Variants in ADAM12 observed in about 807,000 individuals in gnomAD.
ADAM12 encodes disintegrin and metalloproteinase domain-containing protein 12.
ADAM12 carries 70 observed loss-of-function variants against 106.4 expected under a neutral mutation model. The ratio of observed to expected loss-of-function variants is 0.66; its 90% CI spans 0.54 to 0.80. The LOEUF (loss-of-function observed/expected upper bound fraction) is 0.80, where lower values mean the gene tolerates loss of function less well. ADAM12 is among the 30% of genes least tolerant of loss of function. ADAM12 has a pLI of 0.00. For missense variants in ADAM12, 1,010 were observed against 1,171.9 expected (o/e 0.86, Z 2.02); for synonymous variants, 420 against 433.5 (o/e 0.97, Z 0.39).
intron 3 of ADAM12, among the ~76,000 whole-genome samples, chr10:126,269,672 T>C (rs925253261): frequency 6.6e-6 from 1 of 151,900 alleles, no homozygotes; most frequent in East Asian, 1.9e-4. Context: ...GGATACAGAG[T>C]TGGGGAAAGG....
Position 126,015,496 on chromosome 10 carries a change from TTAA to T in ADAM12, c.*1780_*1782del, listed in dbSNP as rs1023185269. Reference sequence around the variant, plus strand: ...AGCATGGCTTTACATTTTAAAGAACTTAATAACTATAGAATAAACAGATGCATG... The same window carrying T: ...AGCATGGCTTTACATTTTAAAGAACTTAACTATAGAATAAACAGATGCATG... On this transcript the variant is annotated 3_prime_UTR_variant, in exon 23 of 23. Coordinates refer to ENST00000448723, the MANE Select transcript of ADAM12 (RefSeq NM_001288973.2). 6.6e-6 allele frequency: 1 copy of T among 152,222 alleles called. No individual in the cohort carries two copies. The highest frequency in any genetic ancestry group is 1.5e-5 in the Non-Finnish European group (1 of 68,032). The allele number at this position is 152,222 out of a possible 1,614,324, so 9.4% of individuals were successfully genotyped here.
At chr10:126,293,513 T>TC (rs1960242715) in intron 2 of ADAM12, among the ~76,000 whole-genome samples, 1 of 152,158 alleles carries the variant, frequency 6.6e-6, no homozygotes, top group East Asian at 1.9e-4. Context: ...GCACCCCATT[T>TC]ATTTTTATTT....
Position 126,017,294 on chromosome 10 carries a change from G to A in ADAM12, c.2706C>T (p.Thr902=), listed in dbSNP as rs77922954. ...YPHQVPRSTH[T]AYIK ...TGTCGGCTTCTCACTTAATATAGGC[G>A]GTGTGGGTGGATCTGGGCACTTGGT... The change falls in exon 23 of 23, where the codon ACC becomes ACT. Residue 902 remains threonine (T), a synonymous_variant. Transcript: ENST00000448723. 3.0e-4 allele frequency: 479 copies of A among 1,594,416 alleles called. 3 individuals carry two copies. The East Asian group carries it at 7.9e-3, about 26-fold the overall frequency.
chr10:126,082,653 G>A (rs1032546063), intron 11 of ADAM12, among the ~76,000 whole-genome samples: 3 of 152,100 alleles, frequency 2.0e-5, no homozygotes, highest in South Asian at 2.1e-4. Flanking sequence ...TTACAGGCGT[G>A]AGCCACCATG....
intron 2 of ADAM12, among the ~76,000 whole-genome samples, chr10:126,280,379 C>T (rs2133757165): frequency 6.6e-6 from 1 of 152,202 alleles, no homozygotes; most frequent in African/African-American, 2.4e-5. Context: ...TAGCCATTAG[C>T]CGCATATGGC....
intron 3 of ADAM12, among the ~76,000 whole-genome samples, chr10:126,176,754 T>C (rs933564962): frequency 6.6e-6 from 1 of 152,140 alleles, no homozygotes; most frequent in Admixed American, 6.5e-5. Context: ...CTGAACAAAA[T>C]CTCTCATTGT....
intron 2 of ADAM12, among the ~76,000 whole-genome samples, chr10:126,310,706 G>C (rs996219471): frequency 6.6e-6 from 1 of 152,128 alleles, no homozygotes; most frequent in Non-Finnish European, 1.5e-5. Context: ...TTTAATTATG[G>C]ATCACTGGGT....
intron 8 of ADAM12, among the ~76,000 whole-genome samples, chr10:126,107,094 C>T (rs552941497): frequency 7.2e-5 from 11 of 152,256 alleles, no homozygotes; most frequent in Admixed American, 1.3e-4. Context: ...GGCACACACA[C>T]GTATGAACAC....
chr10:126,094,447 A>C (rs780666979), intron 10 of ADAM12, among the ~76,000 whole-genome samples: 13 of 152,150 alleles, frequency 8.5e-5, no homozygotes, highest in Admixed American at 3.3e-4. Context: ...TGCCCCACAA[A>C]ACTCTTCCAT....
chr10:126,381,471 T>G (rs114472070), intron 1 of ADAM12, among the ~76,000 whole-genome samples: 2,966 of 152,176 alleles, frequency 0.019, 89 homozygotes, highest in African/African-American at 0.068. Context: ...AGATTCTGTC[T>G]GTATAAAAAT....
chr10:126,072,079 G>A (rs1246408927), intron 11 of ADAM12, among the ~76,000 whole-genome samples: 1 of 152,058 alleles, frequency 6.6e-6, no homozygotes, highest in African/African-American at 2.4e-5. Flanking sequence ...TACAAATGAC[G>A]GTGTTTATTA....
At chr10:126,250,542 T>G (rs1027772963) in intron 3 of ADAM12, among the ~76,000 whole-genome samples, 1 of 152,224 alleles carries the variant, frequency 6.6e-6, no homozygotes, top group Non-Finnish European at 1.5e-5. Flanking sequence ...GACTCTTACA[T>G]GTAAACAACA....
intron 14 of ADAM12, among the ~76,000 whole-genome samples, chr10:126,051,668 T>TCCATCCAG (rs1394674587): frequency 6.6e-6 from 1 of 151,418 alleles, no homozygotes; most frequent in Non-Finnish European, 1.5e-5. Flanking sequence ...CACCCATCCA[T>TCCATCCAG]CCAGCCAGCC....
At chr10:126,172,376 G>A (rs1292087921) in intron 3 of ADAM12, among the ~76,000 whole-genome samples, 1 of 152,062 alleles carries the variant, frequency 6.6e-6, no homozygotes, top group African/African-American at 2.4e-5. Context: ...TTTCTTGGGT[G>A]TAACAATGGC....
chr10:126,198,260 G>A (rs979194614), intron 3 of ADAM12, among the ~76,000 whole-genome samples: 3 of 152,198 alleles, frequency 2.0e-5, no homozygotes, highest in Admixed American at 1.3e-4. Flanking sequence ...ACATTTCAAA[G>A]ACTGAATCTC....
At chr10:126,238,422 T>C (rs1438712460) in intron 3 of ADAM12, among the ~76,000 whole-genome samples, 2 of 152,158 alleles carry the variant, frequency 1.3e-5, no homozygotes, top group East Asian at 1.9e-4. Flanking sequence ...GAGATTGCAG[T>C]GAGCCGAGAT....
intron 3 of ADAM12, among the ~76,000 whole-genome samples, chr10:126,270,594 T>C (rs1240513820): frequency 6.6e-6 from 1 of 152,198 alleles, no homozygotes; most frequent in Non-Finnish European, 1.5e-5. Context: ...ATATAACTCC[T>C]AGCAGAATGT....
rs1954816171 is a variant in ADAM12, at chr10:126,064,247, T to C, written c.1609+559A>G. Among the ~76,000 whole-genome samples the C allele has an allele frequency of 6.6e-6, 1 of 152,298 alleles. No individual in the cohort carries two copies. The highest frequency in any genetic ancestry group is 1.5e-5 in the Non-Finnish European group (1 of 68,022). On this transcript the variant is annotated intron_variant, in intron 14 of 22. Coordinates refer to ENST00000448723, the MANE Select transcript of ADAM12 (RefSeq NM_001288973.2). This position sits in a 1 kb window ranked among gnomAD's most constrained non-coding sequence, Gnocchi z 4.4. ...AGCCACTCACTGCTGCTCTCAGGCC[T>C]TCTGATTACAGACACACTCATGCTT...
intron 4 of ADAM12, among the ~76,000 whole-genome samples, chr10:126,154,687 A>T (rs1280520378): frequency 1.3e-5 from 2 of 152,166 alleles, no homozygotes; most frequent in African/African-American, 4.8e-5. Flanking sequence ...TAAAGCAACA[A>T]ATGAAGTGAG....
Sources: allele counts gnomAD v4.1 joint callset (sites outside exome capture counted in the v4.1 genomes callset), GRCh38; gene constraint gnomAD v4.1.1; non-coding constraint Gnocchi (gnomAD v3.1); transcripts MANE v1.5; gene names NCBI Gene and HGNC (gene_info 2026-07-23, HGNC 2026-07-21).